The following TECPR2 variants were observed in gnomAD, a reference collection of about 807,000 sequenced individuals.
TECPR2 encodes tectonin beta-propeller repeat containing 2, also known as tectonin beta-propeller repeat-containing protein 2.
TECPR2 carries 65 observed loss-of-function variants against 138.1 expected under a neutral mutation model. That is an observed-to-expected ratio of 0.47 (90% CI 0.39 to 0.58). The LOEUF (loss-of-function observed/expected upper bound fraction) is 0.58, where lower values mean the gene tolerates loss of function less well. TECPR2 is among the 20% of genes least tolerant of loss of function. The probability of loss-of-function intolerance (pLI) is 0.00; values close to 1 mark genes in which losing one functional copy is unlikely to be tolerated. For missense variants in TECPR2, 1,553 were observed against 1,824.5 expected, an observed-to-expected ratio of 0.85 and a Z score of 2.71; for synonymous variants, 746 against 749.8, an observed-to-expected ratio of 0.99 and a Z score of 0.08.
rs551027659 is a variant in TECPR2 at position 102,435,179 on chromosome 14, G to T, written c.2362G>T (p.Ala788Ser). ...CSQQDLSRLG[A>S]EDAGLLKPDQ... ...CCAGCAGGACCTGAGCCGGCTGGGT[G>T]CAGAGGACGCCGGGCTGCTCAAGCC... Residue 788 changes from alanine to serine, a missense_variant, in exon 9 of 20, where the codon GCA becomes TCA. By Grantham distance (99) the Ala-to-Ser change is moderately conservative (BLOSUM62 1). Transcript: ENST00000359520. The T allele has an allele frequency of 6.2e-7, 1 of 1,612,572 alleles. No individual in the cohort carries two copies. Among genetic ancestry groups the T allele is most frequent in the Non-Finnish European group, 8.5e-7 (1 of 1,179,898 alleles).
chr14:102,382,121 G>A (rs1305133967), intron 2 of TECPR2, among the ~76,000 whole-genome samples: 3 of 152,054 alleles, frequency 2.0e-5, no homozygotes, highest in Non-Finnish European at 4.4e-5. Flanking sequence ...GTGAAACCCT[G>A]TCTCTACTAA....
intron 2 of TECPR2, among the ~76,000 whole-genome samples, chr14:102,393,125 T>TA (rs1888223437): frequency 6.6e-6 from 1 of 152,196 alleles, no homozygotes; most frequent in Non-Finnish European, 1.5e-5. Context: ...GCCAGATAGT[T>TA]ACAGGGTAGC....
chr14:102,478,402 C>T (rs553815791), intron 17 of TECPR2, among the ~76,000 whole-genome samples: 114 of 150,826 alleles, frequency 7.6e-4, no homozygotes, highest in African/African-American at 2.5e-3. Context: ...TTAAATGGGC[C>T]GGGTGTGGTG....
chr14:102,387,817 C>T (rs1244090354), intron 2 of TECPR2, among the ~76,000 whole-genome samples: 2 of 152,214 alleles, frequency 1.3e-5, no homozygotes, highest in South Asian at 2.1e-4. Flanking sequence ...TGAGCCACCA[C>T]ACCTGGCTGG....
At position 102,415,251 on chromosome 14, in the gene TECPR2, A is replaced by T. The variant is rs1206975428; in HGVS notation, c.638+458A>T. Among the ~76,000 whole-genome samples the T allele has an allele frequency of 1.3e-5, 2 of 152,200 alleles. No homozygotes were observed. Among genetic ancestry groups the T allele is most frequent in the African/African-American group, 4.8e-5 (2 of 41,438 alleles). ...CAGATCTGAGCCCTCCGTTGTGGAA[A>T]TGGAAACACAGATAGAACACTTGTT... On this transcript the variant is annotated intron_variant, in intron 5 of 19. Coordinates refer to ENST00000359520, the MANE Select transcript of TECPR2 (RefSeq NM_014844.5). This position sits in a 1 kb window ranked among gnomAD's most constrained non-coding sequence, Gnocchi z 4.3.
chr14:102,402,229 A>T (rs1368553372), intron 2 of TECPR2, among the ~76,000 whole-genome samples: 1 of 152,222 alleles, frequency 6.6e-6, no homozygotes, highest in African/African-American at 2.4e-5. Context: ...TAAAGTTAGA[A>T]ATCAGTAACA....
chr14:102,427,975 G>A (rs564024354), intron 6 of TECPR2, among the ~76,000 whole-genome samples: 2 of 152,326 alleles, frequency 1.3e-5, no homozygotes, highest in South Asian at 4.1e-4. Flanking sequence ...GGCTGGCAGG[G>A]CCGGTGCACC....
intron 5 of TECPR2, among the ~76,000 whole-genome samples, chr14:102,422,795 G>A (rs1163816171): frequency 6.6e-6 from 1 of 152,124 alleles, no homozygotes; most frequent in African/African-American, 2.4e-5. Flanking sequence ...TTTGGGGATG[G>A]GTTCCCAGGT....
chr14:102,379,779 C>T lies in TECPR2; in HGVS notation c.219+2839C>T, dbSNP rs145435754. On this transcript the variant is annotated intron_variant, in intron 2 of 19. Coordinates refer to ENST00000359520, the MANE Select transcript of TECPR2 (RefSeq NM_014844.5). ...CCATCTTAAAATCCATGCACAGAGG[C>T]GTCCTAGTCACACTGCTAAAGATCA... Among the ~76,000 whole-genome samples the T allele has an allele frequency of 4.8e-3, 711 of 147,120 alleles. 10 individuals are homozygous for T. The highest frequency in any genetic ancestry group is 0.017 in the African/African-American group (680 of 39,246).
In TECPR2 at chr14:102,498,087, G is replaced by A. The variant is rs116168966; in HGVS notation, c.4082-16G>A. Reference sequence around the variant, plus strand: ...TGTGTGATTGACAAGTATGTGATTGGCTCTTGTCCCTGCAGTGACTGCGTC... The same window carrying A: ...TGTGTGATTGACAAGTATGTGATTGACTCTTGTCCCTGCAGTGACTGCGTC... On this transcript the variant is annotated splice_polypyrimidine_tract_variant and intron_variant, in intron 19 of 19. Coordinates refer to ENST00000359520, the MANE Select transcript of TECPR2 (RefSeq NM_014844.5). 9.2e-4 allele frequency: 1,490 copies of A among 1,611,800 alleles called. 10 individuals are homozygous for A. The African/African-American group carries it at 0.017, about 18-fold the overall frequency.
chr14:102,440,106 G>A (rs973357415), intron 10 of TECPR2, among the ~76,000 whole-genome samples: 1 of 152,214 alleles, frequency 6.6e-6, no homozygotes, highest in Non-Finnish European at 1.5e-5. Context: ...TGTGAGGAGC[G>A]CCTGTCATGT....
In TECPR2 at chr14:102,415,222, A is replaced by G. The variant is rs564538107; in HGVS notation, c.638+429A>G. ...CAGGCTCAGCAGTGACATGGTAAAC[A>G]CGGCAGATCTGAGCCCTCCGTTGTG... On this transcript the variant is annotated intron_variant, in intron 5 of 19. Coordinates refer to ENST00000359520, the MANE Select transcript of TECPR2 (RefSeq NM_014844.5). This position sits in a 1 kb window ranked among gnomAD's most constrained non-coding sequence, Gnocchi z 4.3. 1.1e-4 allele frequency among the ~76,000 whole-genome samples: 17 copies of G among 152,346 alleles called. No homozygotes were observed. The highest frequency in any genetic ancestry group is 3.8e-4 in the African/African-American group (16 of 41,580).
chr14:102,499,030 T>TCACCACACCA lies in TECPR2; in HGVS notation c.*788_*797dup, dbSNP rs10531276. The TCACCACACCA allele has an allele frequency of 1.0e-5, 7 of 699,044 alleles. No homozygotes were observed. The highest frequency in any genetic ancestry group is 6.0e-5 in the South Asian group (4 of 67,154). 43.3% of individuals were successfully genotyped at this position (699,044 alleles called of 1,614,324 possible). ...GCACCGCACCGTACCTCGCCACATCTCACCACACCACACCACACCACACCT... is the reference window on the plus strand; with the variant it reads ...GCACCGCACCGTACCTCGCCACATCTCACCACACCACACCACACCACACCACACCACACCT... On this transcript the variant is annotated 3_prime_UTR_variant, in exon 20 of 20. Coordinates refer to ENST00000359520, the MANE Select transcript of TECPR2 (RefSeq NM_014844.5).
At chr14:102,421,842 A>AC (rs1481674050) in intron 5 of TECPR2, among the ~76,000 whole-genome samples, 1 of 152,132 alleles carries the variant, frequency 6.6e-6, no homozygotes, top group Non-Finnish European at 1.5e-5. Flanking sequence ...CGTACCACAT[A>AC]CCCACTAGGT....
rs2139771546 is a variant in TECPR2, at chr14:102,465,157, A to G, written c.3657A>G (p.Thr1219=). 5 of 1,614,240 alleles carry G rather than the reference A, an allele frequency of 3.1e-6. No homozygotes were observed. Among genetic ancestry groups the G allele is most frequent in the Non-Finnish European group, 3.4e-6 (4 of 1,180,042 alleles). Residue 1219 remains threonine (T), a synonymous_variant, in exon 17 of 20, where the codon ACA becomes ACG. Transcript: ENST00000359520. ...TATCTACAGGAGCTGTAAAATTGAC[A>G]AGCTTGGCATGTGGAAATCAGCACA... The part of the protein sequence containing the change: ...DLSQLGAVKL[T]SLACGNQHIW...
At chr14:102,404,341 G>A (rs1888589499) in intron 2 of TECPR2, among the ~76,000 whole-genome samples, 1 of 151,874 alleles carries the variant, frequency 6.6e-6, no homozygotes, top group African/African-American at 2.4e-5. Context: ...AATTCATATG[G>A]GATCTCAGGA....
intron 4 of TECPR2, among the ~76,000 whole-genome samples, chr14:102,413,458 C>T (rs1276837238): frequency 6.6e-6 from 1 of 151,318 alleles, no homozygotes; most frequent in Non-Finnish European, 1.5e-5. Context: ...TGGCTCACTG[C>T]AACCCTTGCC....
chr14:102,380,116 T>C (rs1462823904), intron 2 of TECPR2, among the ~76,000 whole-genome samples: 1 of 150,138 alleles, frequency 6.7e-6, no homozygotes, highest in East Asian at 2.0e-4. Flanking sequence ...GATCACCATC[T>C]TAAAATCCAT....
intron 2 of TECPR2, among the ~76,000 whole-genome samples, chr14:102,398,604 G>A (rs537871935): frequency 1.3e-5 from 2 of 152,166 alleles, no homozygotes; most frequent in African/African-American, 4.8e-5. Flanking sequence ...GCTCACACCT[G>A]TAATCCCAGC....
Sources: gnomAD v4.1 joint callset for allele counts (sites outside exome capture counted in the v4.1 genomes callset) on GRCh38, gnomAD v4.1.1 for gene constraint, Gnocchi (gnomAD v3.1) non-coding constraint, MANE v1.5 for transcripts, NCBI Gene and HGNC (gene_info 2026-07-23, HGNC 2026-07-21) for gene names.